The following SCFD2 variants were observed in gnomAD, a reference collection of about 807,000 sequenced individuals.
SCFD2 encodes the protein sec1 family domain-containing protein 2.
Under a neutral mutation model 58.9 loss-of-function variants are expected in SCFD2, and 54 were observed. That is an observed-to-expected ratio of 0.92 (90% CI 0.74 to 1.15). The LOEUF (loss-of-function observed/expected upper bound fraction) is 1.15. Ranked by LOEUF, SCFD2 falls within the 50% of genes most tolerant of loss-of-function variation. SCFD2 has a pLI of 0.00. For synonymous variants in SCFD2, 321 were observed against 335.9 expected, an observed-to-expected ratio of 0.96 and a Z score of 0.49; for missense variants, 805 against 836.6, an observed-to-expected ratio of 0.96 and a Z score of 0.47.
chr4:53,120,314 G>A (rs1262045413), intron 5 of SCFD2, among the ~76,000 whole-genome samples: 1 of 152,132 alleles, frequency 6.6e-6, no homozygotes, highest in Non-Finnish European at 1.5e-5. Flanking sequence ...GTCATTTACT[G>A]GAGGTTATGT....
chr4:53,032,872 G>A (rs1722654227), intron 5 of SCFD2, among the ~76,000 whole-genome samples: 2 of 152,122 alleles, frequency 1.3e-5, no homozygotes, highest in African/African-American at 4.8e-5. Flanking sequence ...AATAGTAGGA[G>A]ACTTTAACAA....
chr4:52,949,086 C>G (rs1720519068), intron 5 of SCFD2: 1 of 152,656 alleles, frequency 6.6e-6, no homozygotes, highest in Non-Finnish European at 1.5e-5. Flanking sequence ...AGCCAGGTGA[C>G]CTCACCAGTG....
intron 4 of SCFD2, among the ~76,000 whole-genome samples, chr4:53,248,378 G>C (rs1212186419): frequency 1.3e-5 from 2 of 152,222 alleles, no homozygotes; most frequent in South Asian, 2.1e-4. Context: ...GCTTCCTTAA[G>C]TAAACAAAGC....
intron 5 of SCFD2, among the ~76,000 whole-genome samples, chr4:53,139,561 G>A (rs12779635): frequency 2.0e-5 from 3 of 148,864 alleles, no homozygotes; most frequent in Non-Finnish European, 4.5e-5. Flanking sequence ...GAGCCCCTCC[G>A]CCCGGCAGCC....
intron 5 of SCFD2, among the ~76,000 whole-genome samples, chr4:53,093,910 AT>A (rs1187835596): frequency 6.6e-6 from 1 of 152,100 alleles, no homozygotes; most frequent in African/African-American, 2.4e-5. Flanking sequence ...ACTGTATGTA[AT>A]TTTTAAACTT....
At chr4:53,130,191 C>A (rs180900099) in intron 5 of SCFD2, among the ~76,000 whole-genome samples, 1 of 152,016 alleles carries the variant, frequency 6.6e-6, no homozygotes, top group East Asian at 1.9e-4. Flanking sequence ...TATAAATAAT[C>A]CATCATAAAG....
intron 5 of SCFD2, among the ~76,000 whole-genome samples, chr4:52,924,612 T>C (rs1273229830): frequency 1.3e-5 from 2 of 152,218 alleles, no homozygotes; most frequent in East Asian, 3.8e-4. Context: ...TTAGGGATAC[T>C]GGGCCAAAGG....
intron 5 of SCFD2, among the ~76,000 whole-genome samples, chr4:53,012,376 TCACA>T (rs572964297): frequency 1.4e-5 from 2 of 147,918 alleles, no homozygotes; most frequent in South Asian, 2.2e-4. Flanking sequence ...TCTCTCTCTC[TCACA>T]CACACACACA....
intron 8 of SCFD2, 136 bp downstream of exon 8, chr4:52,885,611 G>T: frequency 1.0e-6 from 1 of 964,468 alleles, no homozygotes; most frequent in Non-Finnish European, 1.6e-6. Flanking sequence ...GGTAGCAGGA[G>T]GGAGGGAACA....
At chr4:53,175,168 C>T (rs1727291905) in intron 4 of SCFD2, among the ~76,000 whole-genome samples, 1 of 152,142 alleles carries the variant, frequency 6.6e-6, no homozygotes. Context: ...AACTTCAAAT[C>T]ACTTTTAGAG....
intron 4 of SCFD2, among the ~76,000 whole-genome samples, chr4:53,242,868 T>C (rs954512922): frequency 6.6e-6 from 1 of 152,122 alleles, no homozygotes; most frequent in Non-Finnish European, 1.5e-5. Flanking sequence ...CTATAACAAG[T>C]TGAGGAAAGA....
chr4:53,246,546 G>T (rs752335699), intron 4 of SCFD2, among the ~76,000 whole-genome samples: 1 of 152,018 alleles, frequency 6.6e-6, no homozygotes, highest in Non-Finnish European at 1.5e-5. Flanking sequence ...AAGGCTGCAC[G>T]CCTGTGACCA....
chr4:53,240,988 A>G (rs926064326), intron 4 of SCFD2, among the ~76,000 whole-genome samples: 1 of 152,224 alleles, frequency 6.6e-6, no homozygotes, highest in African/African-American at 2.4e-5. Context: ...AGGCATTGAG[A>G]GCAGACAGAT....
intron 7 of SCFD2, among the ~76,000 whole-genome samples, chr4:52,891,820 A>G (rs564024287): frequency 7.2e-5 from 11 of 152,262 alleles, no homozygotes; most frequent in Admixed American, 3.9e-4. Context: ...GCAGTTGATG[A>G]CTTCCTTTTT....
intron 5 of SCFD2, among the ~76,000 whole-genome samples, chr4:53,072,339 T>C (rs1163060609): frequency 2.6e-5 from 4 of 152,068 alleles, no homozygotes; most frequent in Non-Finnish European, 4.4e-5. Context: ...CAGCCCCAAA[T>C]TATTTCTTTT....
At chr4:53,178,334 G>A (rs749213035) in intron 4 of SCFD2, among the ~76,000 whole-genome samples, 17 of 152,144 alleles carry the variant, frequency 1.1e-4, no homozygotes, top group Admixed American at 3.3e-4. Context: ...CAACATCTGC[G>A]GTTCACCAAT....
rs142913042 is a variant in SCFD2 at position 53,249,378 on chromosome 4, C to T, written c.1311+24448G>A. ...GAGAATGGAACCAAGTTGCAAAATA[C>T]GCTGCAGGATATTATCCAGGAGAAC... On this transcript the variant is annotated intron_variant, in intron 4 of 8. Coordinates refer to ENST00000401642, the MANE Select transcript of SCFD2 (RefSeq NM_152540.4). Among the ~76,000 whole-genome samples, 440 of 152,290 alleles carry T rather than the reference C, an allele frequency of 2.9e-3. 1 individual carries two copies. The highest frequency in any genetic ancestry group is 9.9e-3 in the African/African-American group (413 of 41,558).
chr4:53,112,660 C>T (rs1252342424), intron 5 of SCFD2, among the ~76,000 whole-genome samples: 3 of 152,082 alleles, frequency 2.0e-5, no homozygotes, highest in Admixed American at 1.3e-4. Context: ...ACTGGTTTGC[C>T]ACTCAATAGC....
chr4:53,073,914 T>G (rs958389388), intron 5 of SCFD2, among the ~76,000 whole-genome samples: 2 of 152,174 alleles, frequency 1.3e-5, no homozygotes, highest in Non-Finnish European at 2.9e-5. Flanking sequence ...CTTGCCTTGA[T>G]GTTGATGGCT....
Sources: gnomAD v4.1 joint callset for allele counts (sites outside exome capture counted in the v4.1 genomes callset) on GRCh38, gnomAD v4.1.1 for gene constraint, MANE v1.5 for transcripts, NCBI Gene and HGNC (gene_info 2026-07-23, HGNC 2026-07-21) for gene names.